SLCO6A1: variants seen among roughly 807,000 people sequenced by gnomAD.
SLCO6A1 encodes solute carrier organic anion transporter family member 6A1, also known as cancer/testis antigen 48.
Under a neutral mutation model 72.7 loss-of-function variants are expected in SLCO6A1, and 65 were observed. That is an observed-to-expected ratio of 0.89 (90% confidence interval 0.73 to 1.10). The LOEUF is 1.10. Among genes scored for constraint, SLCO6A1 ranks in the 50% least tolerant of loss-of-function variants. The pLI is 0.00. For missense variants in SLCO6A1, 874 were observed against 872.6 expected (o/e 1.00, Z -0.02); for synonymous variants, 314 against 298.2 (o/e 1.05, Z -0.55).
Position 102,459,693 on chromosome 5 carries a change from T to C in SLCO6A1, c.984A>G (p.Thr328=), listed in dbSNP as rs773922994. ...TTGGAAAGCATGACAATGGTATTAA[T>C]GTACACCATGCAACGACAGCGGCAA... ...FLFAAVVAWC[T]LIPLSCFPNN... Residue 328 remains threonine, a synonymous_variant, in exon 5 of 14, where the codon ACA becomes ACG. Transcript: ENST00000506729. The C allele has an allele frequency of 6.2e-6, 10 of 1,609,390 alleles. No individual in the cohort carries two copies. In the Middle Eastern group the frequency reaches 4.9e-4, roughly 80 times the overall value.
intron 10 of SLCO6A1, among the ~76,000 whole-genome samples, chr5:102,393,413 G>T (rs1746879372): frequency 6.6e-6 from 1 of 152,024 alleles, no homozygotes; most frequent in Non-Finnish European, 1.5e-5. Context: ...TGCTTACAAA[G>T]CTACTTCTCC....
chr5:102,385,191 C>T (rs750894020), intron 12 of SLCO6A1, among the ~76,000 whole-genome samples: 2 of 152,124 alleles, frequency 1.3e-5, no homozygotes, highest in African/African-American at 2.4e-5. Flanking sequence ...AGAGGTTCCC[C>T]TATAGTGATG....
At chr5:102,376,514 C>T (rs1432446866) in intron 12 of SLCO6A1, among the ~76,000 whole-genome samples, 1 of 151,712 alleles carries the variant, frequency 6.6e-6, no homozygotes, top group East Asian at 1.9e-4. Flanking sequence ...TGTGTGTGTG[C>T]CAAACAATAG....
chr5:102,496,915 G>T (rs553272420), intron 1 of SLCO6A1, among the ~76,000 whole-genome samples: 1 of 152,080 alleles, frequency 6.6e-6, no homozygotes, highest in Non-Finnish European at 1.5e-5. Flanking sequence ...TTTCATTCTG[G>T]CTTTCAAAAC....
In SLCO6A1 at chr5:102,498,896, C is replaced by A. The variant is rs1283289577; in HGVS notation, c.-52G>T. 1 of 1,524,420 alleles carries A rather than the reference C, an allele frequency of 6.6e-7. No homozygotes were observed. The highest frequency in any genetic ancestry group is 1.2e-5 in the South Asian group (1 of 82,120). 94.4% of individuals were successfully genotyped at this position (1,524,420 alleles called of 1,614,324 possible). On this transcript the variant is annotated 5_prime_UTR_variant, in exon 1 of 14. Coordinates refer to ENST00000506729, the MANE Select transcript of SLCO6A1 (RefSeq NM_173488.5). ...CGCGGCCCGAGTGCTCTCGGCTGCC[C>A]GTCCTGCCTGGGCCAACCCAAAGGC...
intron 12 of SLCO6A1, among the ~76,000 whole-genome samples, chr5:102,377,391 C>T (rs1357639449): frequency 6.6e-6 from 1 of 151,988 alleles, no homozygotes; most frequent in Non-Finnish European, 1.5e-5. Context: ...AGAGTACAGT[C>T]TTCTACTTAT....
chr5:102,462,293 T>C (rs1403679266), intron 4 of SLCO6A1, among the ~76,000 whole-genome samples: 1 of 152,150 alleles, frequency 6.6e-6, no homozygotes. Flanking sequence ...ATCAATATTG[T>C]GAAAATGACC....
At chr5:102,467,947 A>G (rs1222760465) in intron 4 of SLCO6A1, among the ~76,000 whole-genome samples, 1 of 151,764 alleles carries the variant, frequency 6.6e-6, no homozygotes, top group African/African-American at 2.4e-5. Context: ...GCTCTTTCAG[A>G]CTTCTTGATG....
At chr5:102,493,274 C>T (rs887103933) in intron 1 of SLCO6A1, among the ~76,000 whole-genome samples, 4 of 152,066 alleles carry the variant, frequency 2.6e-5, no homozygotes, top group African/African-American at 9.7e-5. Flanking sequence ...CAAATTAAGT[C>T]CAGCAATACG....
intron 5 of SLCO6A1, among the ~76,000 whole-genome samples, chr5:102,459,331 G>A (rs1005689526): frequency 6.6e-6 from 1 of 152,088 alleles, no homozygotes; most frequent in African/African-American, 2.4e-5. Flanking sequence ...GAGGCAGGAG[G>A]ATGACTTGAG....
intron 4 of SLCO6A1, among the ~76,000 whole-genome samples, chr5:102,469,304 T>G (rs1026467142): frequency 6.6e-6 from 1 of 152,198 alleles, no homozygotes; most frequent in Non-Finnish European, 1.5e-5. Context: ...GCATGGAATA[T>G]TCTTCCATTT....
intron 1 of SLCO6A1, among the ~76,000 whole-genome samples, chr5:102,496,308 T>C (rs1295808606): frequency 3.3e-5 from 5 of 152,242 alleles, no homozygotes; most frequent in Non-Finnish European, 7.3e-5. Flanking sequence ...ATCCCTTCTT[T>C]ATGTTTGAAA....
At chr5:102,460,622 A>G (rs1750975134) in intron 4 of SLCO6A1, among the ~76,000 whole-genome samples, 1 of 151,970 alleles carries the variant, frequency 6.6e-6, no homozygotes, top group Non-Finnish European at 1.5e-5. Flanking sequence ...TCTACTTCAC[A>G]CACATTTAAG....
chr5:102,404,335 A>C (rs1747555166), intron 9 of SLCO6A1, among the ~76,000 whole-genome samples: 1 of 152,130 alleles, frequency 6.6e-6, no homozygotes, highest in South Asian at 2.1e-4. Flanking sequence ...CTCTACTAAA[A>C]ATACAAACAA....
chr5:102,469,544 T>G (rs564647098), intron 4 of SLCO6A1, among the ~76,000 whole-genome samples: 78 of 152,286 alleles, frequency 5.1e-4, no homozygotes, highest in South Asian at 1.7e-3. Flanking sequence ...CTTATCAGCT[T>G]AAGGAGATTT....
chr5:102,463,505 A>G (rs749250419), intron 4 of SLCO6A1, among the ~76,000 whole-genome samples: 2 of 152,234 alleles, frequency 1.3e-5, no homozygotes, highest in African/African-American at 2.4e-5. Context: ...TTGCAAAAAT[A>G]TGGAACCAGA....
intron 1 of SLCO6A1, among the ~76,000 whole-genome samples, chr5:102,487,280 A>G (rs1017251401): frequency 6.6e-6 from 1 of 152,218 alleles, no homozygotes; most frequent in East Asian, 1.9e-4. Flanking sequence ...TAATATCACT[A>G]TGGCCTTTGA....
At chr5:102,426,873 GC>G (rs1276460763) in intron 7 of SLCO6A1, among the ~76,000 whole-genome samples, 1 of 151,634 alleles carries the variant, frequency 6.6e-6, no homozygotes, top group African/African-American at 2.4e-5. Context: ...CAACCCAAAT[GC>G]CCATTCATGA....
intron 10 of SLCO6A1, 57 bp from the exon 11 acceptor site, chr5:102,391,102 G>T: frequency 6.9e-7 from 1 of 1,453,880 alleles, no homozygotes; most frequent in Non-Finnish European, 9.6e-7. Flanking sequence ...CACTAAGAAT[G>T]TATGCTAGAT....
Sources: allele counts gnomAD v4.1 joint callset (sites outside exome capture counted in the v4.1 genomes callset), GRCh38; gene constraint gnomAD v4.1.1; transcripts MANE v1.5; gene names NCBI Gene and HGNC (gene_info 2026-07-23, HGNC 2026-07-21).